Variants in PARL observed in about 807,000 individuals in gnomAD.
PARL encodes the protein presenilin associated rhomboid like, also known as presenilin-associated rhomboid-like protein, mitochondrial.
In PARL, 44 loss-of-function variants were observed where a neutral mutation model predicts 51.6. The ratio of observed to expected loss-of-function variants is 0.85; its 90% CI spans 0.67 to 1.10. The LOEUF (loss-of-function observed/expected upper bound fraction) is 1.10, where lower values mean the gene tolerates loss of function less well. Among genes scored for constraint, PARL ranks in the 50% least tolerant of loss-of-function variants. PARL has a pLI of 0.00. For missense variants in PARL, 441 were observed against 469.5 expected (o/e 0.94, Z 0.56); for synonymous variants, 172 against 164.0 (o/e 1.05, Z -0.37).
chr3:183,841,368 C>T (rs1729293096), intron 6 of PARL, among the ~76,000 whole-genome samples: 1 of 152,190 alleles, frequency 6.6e-6, no homozygotes, highest in African/African-American at 2.4e-5. Context: ...ACTAGATACA[C>T]ATAAGTATTC....
chr3:183,879,759 C>A, intron 1 of PARL: 3 of 927,048 alleles, frequency 3.2e-6, no homozygotes, highest in Non-Finnish European at 3.9e-6. Flanking sequence ...CTCTGTCACC[C>A]AGGCTGGAGT....
chr3:183,856,413 A>G (rs1345205882), intron 4 of PARL: 1 of 152,472 alleles, frequency 6.6e-6, no homozygotes, highest in Non-Finnish European at 1.5e-5. Flanking sequence ...CCAAAGAACT[A>G]GGCTCAAGCC....
chr3:183,831,640 G>A (rs1430264507), intron 9 of PARL, among the ~76,000 whole-genome samples: 1 of 152,154 alleles, frequency 6.6e-6, no homozygotes, highest in African/African-American at 2.4e-5. Flanking sequence ...TATTGCAACA[G>A]TACAATGTGA....
chr3:183,833,004 C>G (rs1031303524), intron 9 of PARL, among the ~76,000 whole-genome samples: 2 of 152,144 alleles, frequency 1.3e-5, no homozygotes, highest in African/African-American at 4.8e-5. Context: ...ACAGCGGGTA[C>G]TCAGTAAGTG....
chr3:183,867,345 T>C (rs1732612344), intron 2 of PARL, among the ~76,000 whole-genome samples: 1 of 152,150 alleles, frequency 6.6e-6, no homozygotes, highest in Non-Finnish European at 1.5e-5. Flanking sequence ...ACAAGGCCCA[T>C]ATGTTTATTC....
At chr3:183,842,263 A>T in intron 6 of PARL, 35 bp downstream of exon 6, 1 of 1,601,444 alleles carries the variant, frequency 6.2e-7, no homozygotes, top group Non-Finnish European at 8.5e-7. Context: ...TAGAGTGCTT[A>T]TACTCTCAAA....
At chr3:183,876,863 T>C (rs922948503) in intron 1 of PARL, among the ~76,000 whole-genome samples, 7 of 152,084 alleles carry the variant, frequency 4.6e-5, no homozygotes, top group African/African-American at 1.7e-4. Context: ...AAGTATGACT[T>C]TGAGGGGCTC....
downstream of PARL, among the ~76,000 whole-genome samples, chr3:183,828,536 A>G (rs1727588634): frequency 6.6e-6 from 1 of 152,210 alleles, no homozygotes; most frequent in African/African-American, 2.4e-5. Context: ...CATAGTAGAA[A>G]CAAGTCCAGC....
At chr3:183,863,596 A>G in intron 3 of PARL, among the ~76,000 whole-genome samples, 1 of 152,056 alleles carries the variant, frequency 6.6e-6, no homozygotes, top group South Asian at 2.1e-4. Context: ...GTATAGTTCC[A>G]TTTATTTTCT....
intron 7 of PARL, among the ~76,000 whole-genome samples, chr3:183,836,420 T>G (rs1350557965): frequency 6.6e-6 from 1 of 152,188 alleles, no homozygotes; most frequent in Non-Finnish European, 1.5e-5. Context: ...TCGATGTGGC[T>G]TTTATATAAA....
At chr3:183,844,151 T>C in intron 5 of PARL, 80 bp downstream of exon 5, 1 of 1,013,080 alleles carries the variant, frequency 9.9e-7, no homozygotes, top group Non-Finnish European at 1.6e-6. Flanking sequence ...TTCGTCTTTT[T>C]TACAGCACTT....
intron 7 of PARL, among the ~76,000 whole-genome samples, chr3:183,834,072 T>A (rs1276936681): frequency 1.3e-5 from 2 of 152,232 alleles, no homozygotes; most frequent in Non-Finnish European, 2.9e-5. Context: ...ATGTGCCTCA[T>A]GAACCGCAAG....
chr3:183,827,592 G>A (rs1041504288), downstream of PARL, among the ~76,000 whole-genome samples: 3 of 152,186 alleles, frequency 2.0e-5, no homozygotes, highest in East Asian at 5.8e-4. Context: ...AAGAAGTGAG[G>A]ACCACCACGG....
intron 1 of PARL, among the ~76,000 whole-genome samples, chr3:183,881,649 C>G (rs1429283804): frequency 3.9e-5 from 6 of 152,096 alleles, no homozygotes; most frequent in African/African-American, 1.2e-4. Context: ...TCCTTGCTAC[C>G]AGGCAGGCTG....
chr3:183,869,564 G>GTTCT (rs1393085920), intron 1 of PARL, among the ~76,000 whole-genome samples: 1 of 151,844 alleles, frequency 6.6e-6, no homozygotes, highest in Non-Finnish European at 1.5e-5. Flanking sequence ...GGGATATTAT[G>GTTCT]ATATCCCTTC....
chr3:183,842,680 C>T (rs1026550085), intron 5 of PARL, among the ~76,000 whole-genome samples: 6 of 151,192 alleles, frequency 4.0e-5, no homozygotes, highest in Admixed American at 3.3e-4. Flanking sequence ...TGGTGGCGCA[C>T]GTTTGTAATT....
chr3:183,884,635 G>A, intron 1 of PARL, 87 bp downstream of exon 1: 2 of 1,355,216 alleles, frequency 1.5e-6, no homozygotes, highest in Non-Finnish European at 2.0e-6. Flanking sequence ...GCCAGCACAA[G>A]AGGCCCAGAC....
chr3:183,882,267 ATT>A (rs1413747371), intron 1 of PARL, among the ~76,000 whole-genome samples: 11 of 55,392 alleles, frequency 2.0e-4, no homozygotes, highest in East Asian at 8.5e-4. Context: ...ATATATATAT[ATT>A]TATATATATA....
intron 1 of PARL, among the ~76,000 whole-genome samples, chr3:183,868,391 CT>C (rs145149456): frequency 1.9e-3 from 277 of 144,956 alleles, no homozygotes; most frequent in Non-Finnish European, 1.7e-3. Context: ...TTGTCCGTTT[CT>C]TTTTTTTTTT....
Sources: gnomAD v4.1 joint callset for allele counts (sites outside exome capture counted in the v4.1 genomes callset) on GRCh38, gnomAD v4.1.1 for gene constraint, MANE v1.5 for transcripts, NCBI Gene and HGNC (gene_info 2026-07-23, HGNC 2026-07-21) for gene names.